CHRDL1: variants seen among roughly 807,000 people sequenced by gnomAD.
The protein encoded by CHRDL1 is chordin like 1.
Under a neutral mutation model 40.9 loss-of-function variants are expected in CHRDL1, and 19 were observed. That is an observed-to-expected ratio of 0.46 (90% CI 0.32 to 0.68). CHRDL1 has a LOEUF of 0.68. CHRDL1 is among the 30% of genes least tolerant of loss of function. CHRDL1 has a pLI of 0.03. For synonymous variants in CHRDL1, 136 were observed against 123.4 expected (o/e 1.10, Z -0.68); for missense variants, 329 against 352.1 (o/e 0.93, Z 0.53).
At chrX:110,729,312 T>A (rs2071115336) in intron 4 of CHRDL1, among the ~76,000 whole-genome samples, 1 of 110,692 alleles carries the variant, frequency 9.0e-6, no homozygotes, top group Non-Finnish European at 1.9e-5. Flanking sequence ...ACCTTTAGAT[T>A]TCTTTTTTTT....
intron 4 of CHRDL1, among the ~76,000 whole-genome samples, chrX:110,753,175 T>C (rs1351033337): frequency 1.8e-5 from 2 of 111,906 alleles, no homozygotes; most frequent in African/African-American, 6.5e-5. Context: ...AACAGATGAA[T>C]GGATAACGAA....
chrX:110,684,408 T>G (rs878947757), intron 9 of CHRDL1, among the ~76,000 whole-genome samples: 1 of 111,893 alleles, frequency 8.9e-6, no homozygotes, highest in Non-Finnish European at 1.9e-5. Context: ...TGTCATTTTT[T>G]AAGAGGCCAG....
chrX:110,750,840 T>C (rs1028603445), intron 4 of CHRDL1, among the ~76,000 whole-genome samples: 15 of 111,806 alleles, frequency 1.3e-4, no homozygotes, highest in African/African-American at 4.9e-4. Flanking sequence ...ATTGTGCACA[T>C]GTTACTGCAG....
chrX:110,719,029 C>G (rs1274450967), intron 6 of CHRDL1, among the ~76,000 whole-genome samples: 1 of 111,687 alleles, frequency 9.0e-6, no homozygotes, highest in Non-Finnish European at 1.9e-5. Context: ...CCCTATATAT[C>G]TACTGTATTT....
At chrX:110,699,651 C>A (rs1006660565) in intron 7 of CHRDL1, among the ~76,000 whole-genome samples, 1 of 112,212 alleles carries the variant, frequency 8.9e-6, no homozygotes, top group Non-Finnish European at 1.9e-5. Flanking sequence ...TATATACATG[C>A]ACATACAATT....
At chrX:110,790,484 T>C (rs972914665) in intron 2 of CHRDL1, among the ~76,000 whole-genome samples, 2 of 111,617 alleles carry the variant, frequency 1.8e-5, no homozygotes, top group East Asian at 5.6e-4. Context: ...TAAGAGATGG[T>C]CTTCTGAGAG....
At chrX:110,756,584 T>A (rs2089456755) in intron 4 of CHRDL1, among the ~76,000 whole-genome samples, 1 of 111,373 alleles carries the variant, frequency 9.0e-6, no homozygotes, top group African/African-American at 3.3e-5. Context: ...CATTCAGGCA[T>A]GAGGCAGCCC....
At chrX:110,697,576 T>C (rs1182917371) in intron 7 of CHRDL1, among the ~76,000 whole-genome samples, 1 of 110,521 alleles carries the variant, frequency 9.0e-6, no homozygotes, top group Non-Finnish European at 1.9e-5. Flanking sequence ...TGGAAGACAC[T>C]TAGGCCAATT....
At chrX:110,688,079 T>G (rs1465835083) in intron 9 of CHRDL1, among the ~76,000 whole-genome samples, 2 of 110,867 alleles carry the variant, frequency 1.8e-5, no homozygotes, top group Non-Finnish European at 3.8e-5. Flanking sequence ...AGAAGGGAGC[T>G]TAGAGATAAT....
chrX:110,718,187 C>T (rs1001529324), intron 6 of CHRDL1, among the ~76,000 whole-genome samples: 1 of 111,601 alleles, frequency 9.0e-6, no homozygotes, highest in African/African-American at 3.3e-5. Context: ...GGGATTAGAA[C>T]CAAGGCAGTT....
intron 2 of CHRDL1, among the ~76,000 whole-genome samples, chrX:110,767,063 C>T (rs964567675): frequency 8.9e-6 from 1 of 111,981 alleles, no homozygotes; most frequent in African/African-American, 3.2e-5. Flanking sequence ...TGTGGTACAC[C>T]ACATAAACAG....
intron 4 of CHRDL1, among the ~76,000 whole-genome samples, chrX:110,748,568 T>C (rs1302663832): frequency 8.9e-5 from 10 of 112,020 alleles, no homozygotes; most frequent in Admixed American, 7.6e-4. Context: ...AAAAGCAACA[T>C]TTGCTAGATT....
intron 2 of CHRDL1, among the ~76,000 whole-genome samples, chrX:110,771,356 C>T (rs939821399): frequency 2.7e-5 from 3 of 111,307 alleles, no homozygotes; most frequent in African/African-American, 9.8e-5. Context: ...ACACTGATAC[C>T]AAAACCAGAT....
intron 8 of CHRDL1, among the ~76,000 whole-genome samples, chrX:110,689,598 A>ATATATC (rs1569461814): frequency 0.047 from 851 of 18,212 alleles, 228 homozygotes; most frequent in Middle Eastern, 0.12. Flanking sequence ...CTATATATCT[A>ATATATC]TATATATCTA....
chrX:110,758,191 A>G (rs2089492008), intron 4 of CHRDL1, among the ~76,000 whole-genome samples: 1 of 107,976 alleles, frequency 9.3e-6, no homozygotes, highest in African/African-American at 3.4e-5. Flanking sequence ...CATTGTTCCC[A>G]TTTACCAGAG....
intron 4 of CHRDL1, among the ~76,000 whole-genome samples, chrX:110,723,908 T>C (rs2071009948): frequency 8.9e-6 from 1 of 112,566 alleles, no homozygotes; most frequent in Non-Finnish European, 1.9e-5. Context: ...TTTTGCCTTA[T>C]AAAGACAGCC....
At chrX:110,695,870 A>G (rs2070376803) in intron 7 of CHRDL1, among the ~76,000 whole-genome samples, 1 of 112,288 alleles carries the variant, frequency 8.9e-6, no homozygotes, top group South Asian at 3.7e-4. Flanking sequence ...TTGAAAGACA[A>G]TGTTATTCTA....
At chrX:110,728,566 G>A (rs187191955) in intron 4 of CHRDL1, among the ~76,000 whole-genome samples, 212 of 111,643 alleles carry the variant, frequency 1.9e-3, no homozygotes, top group Non-Finnish European at 2.8e-3. Context: ...TCTCTCCACC[G>A]ACATCATTGA....
intron 8 of CHRDL1, among the ~76,000 whole-genome samples, chrX:110,689,253 GCTT>G: frequency 9.5e-4 from 1 of 1,058 alleles, no homozygotes; most frequent in Non-Finnish European, 1.5e-3. Context: ...ACCATGCCGT[GCTT>G]TTTTTTTTTT....
Sources: allele counts gnomAD v4.1 joint callset (sites outside exome capture counted in the v4.1 genomes callset), GRCh38; gene constraint gnomAD v4.1.1; transcripts MANE v1.5; gene names NCBI Gene and HGNC (gene_info 2026-07-23, HGNC 2026-07-21).